DRAXIN: variants seen among roughly 807,000 people sequenced by gnomAD.
The protein encoded by DRAXIN is dorsal repulsive axon guidance protein.
A neutral mutation model predicts 33.9 loss-of-function variants in DRAXIN; 27 were observed. That is an observed-to-expected ratio of 0.80 (90% CI 0.59 to 1.10). The LOEUF is 1.10. DRAXIN is among the 50% of genes least tolerant of loss of function. The pLI, the probability that DRAXIN is intolerant of heterozygous loss-of-function variation, is 0.00. For synonymous variants in DRAXIN, 178 were observed against 194.0 expected, an observed-to-expected ratio of 0.92 and a Z score of 0.69; for missense variants, 371 against 460.8, an observed-to-expected ratio of 0.81 and a Z score of 1.78.
chr1:11,704,196 G>A lies in DRAXIN; in HGVS notation c.-10-2053G>A, dbSNP rs11121802. The stretch of plus-strand genomic sequence containing the variant: ...GATTCCTTTCATTGGCCAACGTCCC[G>A]AGGTTTCCCTGTCCCTAGGACGCTC... On this transcript the variant is annotated intron_variant, in intron 1 of 6. Transcript: ENST00000294485. This position sits in a 1 kb window ranked among gnomAD's most constrained non-coding sequence, Gnocchi z 4.6. Among the ~76,000 whole-genome samples the A allele has an allele frequency of 0.07, 10,596 of 152,196 alleles. 1,176 individuals are homozygous for A. The highest frequency in any genetic ancestry group is 0.24 in the African/African-American group (9,872 of 41,486).
chr1:11,702,850 C>A (rs971799155), intron 1 of DRAXIN, among the ~76,000 whole-genome samples: 1 of 151,722 alleles, frequency 6.6e-6, no homozygotes, highest in Non-Finnish European at 1.5e-5. Flanking sequence ...TCAAGCAATT[C>A]TCCTGCCTCA....
chr1:11,715,258 A>G, intron 6 of DRAXIN, 50 bp downstream of exon 6: 1 of 1,606,888 alleles, frequency 6.2e-7, no homozygotes, highest in Middle Eastern at 1.7e-4. Flanking sequence ...GAGAACCACA[A>G]AGCCTCCCTT....
chr1:11,701,182 G>A (rs1207687259), intron 1 of DRAXIN, among the ~76,000 whole-genome samples: 1 of 152,182 alleles, frequency 6.6e-6, no homozygotes, highest in East Asian at 1.9e-4. Context: ...CACTCAAGGA[G>A]GAAGATGCCT....
intron 1 of DRAXIN, among the ~76,000 whole-genome samples, chr1:11,703,558 T>C (rs546071302): frequency 6.6e-6 from 1 of 152,226 alleles, no homozygotes; most frequent in East Asian, 1.9e-4. Context: ...AAGGAGTCTG[T>C]GGTTGCATGG....
chr1:11,706,428 A>G lies in DRAXIN; in HGVS notation c.170A>G (p.His57Arg). Residue 57 changes from histidine to arginine, a missense_variant, in exon 2 of 7, where the codon CAC (histidine) becomes CGC (arginine). Transcript: ENST00000294485. This position sits in a 1 kb window ranked among gnomAD's most constrained non-coding sequence, Gnocchi z 5.5. ...CTGTGGACGCCTCAGGCCAGCCACC[A>G]CCGCCGGCGGGGCCCGGGCAAGAAG... ...PALWTPQASH[H>R]RRRGPGKKEW... is the part of the protein sequence containing the mutation. 5 of 1,611,818 alleles carry G rather than the reference A, an allele frequency of 3.1e-6. No homozygotes were observed. Among genetic ancestry groups the G allele is most frequent in the Non-Finnish European group, 4.2e-6 (5 of 1,179,490 alleles).
At position 11,719,421 on chromosome 1, in the gene DRAXIN, G is replaced by T. The variant is rs184214289; in HGVS notation, c.938-163G>T. Among the ~76,000 whole-genome samples, 5 of 152,288 alleles carry T rather than the reference G, an allele frequency of 3.3e-5. No homozygotes were observed. In the East Asian group the frequency reaches 9.7e-4, roughly 29 times the overall value. Reference sequence around the variant, plus strand: ...CCGTGTTCATTCCTCCCCTCTTCCGGGTTCGTGTCTTTTAAGCTCATTGGG... The same window carrying T: ...CCGTGTTCATTCCTCCCCTCTTCCGTGTTCGTGTCTTTTAAGCTCATTGGG... On this transcript the variant is annotated intron_variant, in intron 6 of 6. Transcript: ENST00000294485.
chr1:11,712,958 G>A (rs1289070340), intron 5 of DRAXIN, among the ~76,000 whole-genome samples: 1 of 151,610 alleles, frequency 6.6e-6, no homozygotes, highest in Non-Finnish European at 1.5e-5. Flanking sequence ...CCAGCACTTT[G>A]GGAGGCCGAG....
chr1:11,715,152 C>T lies in DRAXIN; in HGVS notation c.881C>T (p.Thr294Ile), dbSNP rs1381159185. 3.1e-6 allele frequency: 5 copies of T among 1,614,272 alleles called. No individual in the cohort carries two copies. The highest frequency in any genetic ancestry group is 2.2e-5 in the East Asian group (1 of 44,888). ...TGCGACCTGCGGGAGCATCTCTGCA[C>T]ACCCCACAACCGAGGCCTCAACAAC... ...TCCDLREHLC[T>I]PHNRGLNNKC... is the part of the protein sequence containing the mutation. The change falls in exon 6 of 7, where the codon ACA (threonine) becomes ATA (isoleucine). Residue 294 changes from threonine to isoleucine, a missense_variant. Transcript: ENST00000294485.
rs145145988 is a variant in DRAXIN at position 11,705,496 on chromosome 1, G to C, written c.-10-753G>C. ...CCAAAGCCCCTCCCCCAGGGGAAGG[G>C]ACAGTGTCAGAACATTCTGGGGCCT... On this transcript the variant is annotated intron_variant, in intron 1 of 6. Transcript: ENST00000294485. The surrounding 1 kb of genome is among the most constrained non-coding windows in gnomAD (Gnocchi z 4.8). 1.3e-4 allele frequency among the ~76,000 whole-genome samples: 20 copies of C among 152,218 alleles called. No individual in the cohort carries two copies. Among genetic ancestry groups the C allele is most frequent in the Admixed American group, 5.2e-4 (8 of 15,294 alleles).
At chr1:11,693,724 C>T (rs72869760) in intron 1 of DRAXIN, among the ~76,000 whole-genome samples, 1 of 152,174 alleles carries the variant, frequency 6.6e-6, no homozygotes, top group Non-Finnish European at 1.5e-5. Flanking sequence ...ATCTCTACCC[C>T]CTGCCTTCTG....
At chr1:11,710,588 A>G (rs1311946215) in intron 3 of DRAXIN, among the ~76,000 whole-genome samples, 3 of 151,968 alleles carry the variant, frequency 2.0e-5, no homozygotes, top group African/African-American at 4.8e-5. Flanking sequence ...ATAGGAGCTG[A>G]CCGCATCGTT....
intron 1 of DRAXIN, among the ~76,000 whole-genome samples, chr1:11,697,830 GC>G (rs1191578313): frequency 6.6e-6 from 1 of 152,220 alleles, no homozygotes. Flanking sequence ...GGCTCTGGCT[GC>G]TCTGAGGCCT....
intron 5 of DRAXIN, among the ~76,000 whole-genome samples, chr1:11,712,868 A>G (rs1570317920): frequency 1.3e-5 from 2 of 148,158 alleles, no homozygotes; most frequent in Non-Finnish European, 3.0e-5. Flanking sequence ...ATGCAACTGC[A>G]CTCCAGCCTG....
intron 6 of DRAXIN, 79 bp downstream of exon 6, chr1:11,715,287 A>G (rs1641558822): frequency 5.1e-6 from 8 of 1,557,600 alleles, no homozygotes; most frequent in Non-Finnish European, 7.1e-6. Context: ...CGGCTTCTGC[A>G]CCGAGTGGGG....
Position 11,725,162 on chromosome 1 carries a change from CA to C in DRAXIN, c.*5470del, listed in dbSNP as rs1641722131. ...GAGACCTCATCTCTGCAAAAAATAA[CA>C]AAATTAGCCGGGCATGGTGGTGCAC... On this transcript the variant is annotated 3_prime_UTR_variant, in exon 7 of 7. Transcript: ENST00000294485. 1 of 152,034 alleles carries C rather than the reference CA, an allele frequency of 6.6e-6. No homozygotes were observed. The highest frequency in any genetic ancestry group is 1.5e-5 in the Non-Finnish European group (1 of 68,020). 9.4% of individuals were successfully genotyped at this position (152,034 alleles called of 1,614,324 possible).
chr1:11,703,120 T>A (rs530746237), intron 1 of DRAXIN, among the ~76,000 whole-genome samples: 8 of 152,346 alleles, frequency 5.3e-5, no homozygotes, highest in African/African-American at 1.9e-4. Context: ...TGCAGGGCCC[T>A]GGAGGGGCCG....
At chr1:11,690,435 T>C (rs922021361), upstream of DRAXIN, among the ~76,000 whole-genome samples, 5 of 152,178 alleles carry the variant, frequency 3.3e-5, no homozygotes, top group Non-Finnish European at 5.9e-5. This position sits in a 1 kb window ranked among gnomAD's most constrained non-coding sequence, Gnocchi z 4.2. Flanking sequence ...GTTATCTCCT[T>C]ACACAGGGCA....
At chr1:11,710,572 G>T (rs1188283582) in intron 3 of DRAXIN, among the ~76,000 whole-genome samples, 5 of 151,932 alleles carry the variant, frequency 3.3e-5, no homozygotes, top group Non-Finnish European at 7.4e-5. Flanking sequence ...TCTGGAAGAG[G>T]GGTATATAGG....
In DRAXIN at chr1:11,706,287, C is replaced by A; in HGVS notation, c.29C>A (p.Pro10His). ...GCTGGGCCTGCCATCCACACCGCTC[C>A]CATGCTGTTCCTCGTCCTCCTGCTG... MAGPAIHTA[P>H]MLFLVLLLPL... is the part of the protein sequence containing the mutation. The change falls in exon 2 of 7, where the codon CCC becomes CAC. Residue 10 changes from proline (P) to histidine (H), a missense_variant. Transcript: ENST00000294485. The surrounding 1 kb of genome is among the most constrained non-coding windows in gnomAD (Gnocchi z 5.5). 5.0e-6 allele frequency: 8 copies of A among 1,610,900 alleles called. No homozygotes were observed. The highest frequency in any genetic ancestry group is 6.8e-6 in the Non-Finnish European group (8 of 1,178,810).
Sources: gnomAD v4.1 joint callset for allele counts (sites outside exome capture counted in the v4.1 genomes callset) on GRCh38, gnomAD v4.1.1 for gene constraint, Gnocchi (gnomAD v3.1) non-coding constraint, MANE v1.5 for transcripts, NCBI Gene and HGNC (gene_info 2026-07-23, HGNC 2026-07-21) for gene names.